SHISA9: variants seen among roughly 807,000 people sequenced by gnomAD.
The protein encoded by SHISA9 is shisa family member 9.
A neutral mutation model predicts 38.0 loss-of-function variants in SHISA9; 13 were observed. The ratio of observed to expected loss-of-function variants is 0.34; its 90% CI spans 0.22 to 0.54. The LOEUF is 0.54. Among genes scored for constraint, SHISA9 ranks in the 20% least tolerant of loss-of-function variants. The probability of loss-of-function intolerance (pLI) is 0.91; values close to 1 mark genes in which losing one functional copy is unlikely to be tolerated. For missense variants in SHISA9, 538 were observed against 575.8 expected (o/e 0.93, Z 0.67); for synonymous variants, 275 against 242.0 (o/e 1.14, Z -1.27).
At position 12,978,928 on chromosome 16, in the gene SHISA9, T is replaced by C. The variant is rs77095094; in HGVS notation, c.691+62113T>C. Among the ~76,000 whole-genome samples the C allele has an allele frequency of 6.9e-3, 1,046 of 152,312 alleles. 29 individuals are homozygous for C. The East Asian group carries it at 0.11, about 16-fold the overall frequency. On this transcript the variant is annotated intron_variant, in intron 2 of 4. Coordinates refer to ENST00000558583, the MANE Select transcript of SHISA9 (RefSeq NM_001145204.3). ...ACACATTTCTTTAAAATTTTCTGTA[T>C]CTGGAGAAGTTTCCATAATGAAATG... is the stretch of plus-strand genomic sequence containing the variant.
At chr16:13,012,061 T>A (rs1380065856) in intron 2 of SHISA9, among the ~76,000 whole-genome samples, 1 of 150,978 alleles carries the variant, frequency 6.6e-6, no homozygotes, top group Non-Finnish European at 1.5e-5. Flanking sequence ...CCTGACCTCA[T>A]GTGATCCACC....
the SHISA9 span, among the ~76,000 whole-genome samples, chr16:13,355,738 G>C: frequency 6.6e-6 from 1 of 152,134 alleles, no homozygotes; most frequent in Non-Finnish European, 1.5e-5. Flanking sequence ...GATTAAGAAA[G>C]GGACGGGCTT....
chr16:13,146,253 C>A (rs1000104674), intron 2 of SHISA9, among the ~76,000 whole-genome samples: 10 of 152,214 alleles, frequency 6.6e-5, no homozygotes, highest in Admixed American at 5.2e-4. Flanking sequence ...CTGGAGGTCT[C>A]AGCCTAATGG....
intron 1 of SHISA9, among the ~76,000 whole-genome samples, chr16:12,914,957 G>A (rs12933542): frequency 0.24 from 36,052 of 152,024 alleles, 4,927 homozygotes; most frequent in Non-Finnish European, 0.31. Flanking sequence ...AGTACGGTAA[G>A]TTCCAGCAGA....
the SHISA9 span, among the ~76,000 whole-genome samples, chr16:13,531,312 C>G: frequency 6.6e-6 from 1 of 152,134 alleles, no homozygotes; most frequent in Non-Finnish European, 1.5e-5. Flanking sequence ...TGCCATCACA[C>G]CAGCAATAAT....
chr16:13,020,458 G>A (rs1372158249), intron 2 of SHISA9, among the ~76,000 whole-genome samples: 1 of 152,160 alleles, frequency 6.6e-6, no homozygotes, highest in Non-Finnish European at 1.5e-5. Context: ...AGAACATGCG[G>A]TATTTGGTTT....
intron 2 of SHISA9, among the ~76,000 whole-genome samples, chr16:13,039,719 A>C (rs2073112966): frequency 6.6e-6 from 1 of 152,164 alleles, no homozygotes; most frequent in Non-Finnish European, 1.5e-5. Context: ...CAGGGAATGC[A>C]CAAACCCCAC....
At chr16:13,318,410 C>T in the SHISA9 span, among the ~76,000 whole-genome samples, 2 of 152,150 alleles carry the variant, frequency 1.3e-5, 1 homozygote, top group African/African-American at 4.8e-5. Flanking sequence ...GCAACCTCCA[C>T]CTCCTGGGTT....
intron 2 of SHISA9, among the ~76,000 whole-genome samples, chr16:13,026,396 C>T (rs1000363645): frequency 2.6e-5 from 4 of 152,190 alleles, no homozygotes; most frequent in Non-Finnish European, 4.4e-5. Flanking sequence ...TCTTACGTAA[C>T]AGGATTCCCC....
the SHISA9 span, among the ~76,000 whole-genome samples, chr16:13,454,841 C>T: frequency 7.2e-5 from 11 of 152,298 alleles, 1 homozygote; most frequent in East Asian, 1.3e-3. Flanking sequence ...CTATTTACTT[C>T]TATTCATGTG....
chr16:13,428,371 C>A, the SHISA9 span, among the ~76,000 whole-genome samples: 1 of 152,118 alleles, frequency 6.6e-6, no homozygotes, highest in African/African-American at 2.4e-5. Context: ...ATCAGTGGAG[C>A]CCTCCTGAAT....
chr16:13,312,793 A>C, the SHISA9 span, among the ~76,000 whole-genome samples: 1 of 152,184 alleles, frequency 6.6e-6, no homozygotes, highest in Non-Finnish European at 1.5e-5. Context: ...TTTTTTTACT[A>C]GTTTTCAAGT....
the SHISA9 span, among the ~76,000 whole-genome samples, chr16:13,250,554 A>G: frequency 2.6e-4 from 39 of 152,266 alleles, no homozygotes; most frequent in East Asian, 3.3e-3. Flanking sequence ...TGATTTTTTT[A>G]GGACTCCTCT....
intron 2 of SHISA9, among the ~76,000 whole-genome samples, chr16:13,124,602 G>C (rs915963768): frequency 6.6e-6 from 1 of 152,128 alleles, no homozygotes; most frequent in Non-Finnish European, 1.5e-5. Flanking sequence ...GGACTGACCT[G>C]ACATGTGAAG....
chr16:13,465,965 A>G, the SHISA9 span, among the ~76,000 whole-genome samples: 1 of 152,274 alleles, frequency 6.6e-6, no homozygotes, highest in African/African-American at 2.4e-5. Flanking sequence ...ATGGCCTGAA[A>G]GGCCCACATG....
the SHISA9 span, among the ~76,000 whole-genome samples, chr16:13,521,399 A>G: frequency 6.6e-6 from 1 of 152,290 alleles, no homozygotes; most frequent in African/African-American, 2.4e-5. Context: ...AGTACACATT[A>G]CAATTTGCGT....
intron 2 of SHISA9, among the ~76,000 whole-genome samples, chr16:13,064,495 T>G (rs2073411349): frequency 6.6e-6 from 1 of 152,092 alleles, no homozygotes; most frequent in Non-Finnish European, 1.5e-5. Context: ...AATACAAGAA[T>G]TTTAAACACA....
At chr16:12,947,636 C>T (rs915529542) in intron 2 of SHISA9, among the ~76,000 whole-genome samples, 6 of 152,150 alleles carry the variant, frequency 3.9e-5, no homozygotes, top group Non-Finnish European at 7.4e-5. Flanking sequence ...TTGAAATCCA[C>T]GGGCTATTTT....
At chr16:13,281,029 C>A in the SHISA9 span, among the ~76,000 whole-genome samples, 79 of 151,762 alleles carry the variant, frequency 5.2e-4, no homozygotes, top group African/African-American at 1.9e-3. Context: ...TTTAAAATTA[C>A]TTTTAATATG....
Sources: gnomAD v4.1 joint callset for allele counts (sites outside exome capture counted in the v4.1 genomes callset) on GRCh38, gnomAD v4.1.1 for gene constraint, MANE v1.5 for transcripts, NCBI Gene and HGNC (gene_info 2026-07-23, HGNC 2026-07-21) for gene names.